Variants in CACNA1E observed in about 807,000 individuals in gnomAD.
The protein encoded by CACNA1E is voltage-dependent R-type calcium channel subunit alpha-1E.
Under a neutral mutation model 259.2 loss-of-function variants are expected in CACNA1E, and 40 were observed. The ratio of observed to expected loss-of-function variants is 0.15; its 90% CI spans 0.12 to 0.20. The LOEUF is 0.20. CACNA1E is among the 10% of genes least tolerant of loss of function. The pLI is 1.00. For synonymous variants in CACNA1E, 1,104 were observed against 1,138.5 expected (o/e 0.97, Z 0.61); for missense variants, 1,874 against 3,040.1 (o/e 0.62, Z 9.02).
chr1:181,648,695 T>A (rs547971654), intron 6 of CACNA1E, among the ~76,000 whole-genome samples: 1 of 152,366 alleles, frequency 6.6e-6, no homozygotes, highest in East Asian at 1.9e-4. Flanking sequence ...CATTACAGCA[T>A]CCCTGGCAAG....
At chr1:181,744,819 C>A (rs1258316622) in intron 25 of CACNA1E, among the ~76,000 whole-genome samples, 4 of 152,214 alleles carry the variant, frequency 2.6e-5, no homozygotes, top group South Asian at 2.1e-4. Context: ...CATCCAGTGC[C>A]CCTGTTCTGT....
At chr1:181,323,221 A>T (rs1186667774) in intron 1 of CACNA1E, among the ~76,000 whole-genome samples, 1 of 152,206 alleles carries the variant, frequency 6.6e-6, no homozygotes. Context: ...AGAAGGAATG[A>T]GAAAATAAAG....
chr1:181,323,391 AACCT>A (rs1482378066), intron 1 of CACNA1E, among the ~76,000 whole-genome samples: 1 of 152,208 alleles, frequency 6.6e-6, no homozygotes, highest in African/African-American at 2.4e-5. Context: ...AAAGCACTTA[AACCT>A]GCTGGGTCTC....
In CACNA1E at chr1:181,803,183, C is replaced by G. The variant is rs900439489; in HGVS notation, c.*4349C>G. 1 of 152,192 alleles carries G rather than the reference C, an allele frequency of 6.6e-6. No individual in the cohort carries two copies. Among genetic ancestry groups the G allele is most frequent in the African/African-American group, 2.4e-5 (1 of 41,426 alleles). 9.4% of individuals were successfully genotyped at this position (152,192 alleles called of 1,614,324 possible). A position where few individuals can be genotyped will look rare whatever the true frequency, so the allele number is the denominator to read the frequency against. The stretch of plus-strand genomic sequence containing the variant: ...TCTCACCCAGCCTACAAGTCCTTCT[C>G]TCATAGATCCCAGAGCAATGGGCAC... On this transcript the variant is annotated 3_prime_UTR_variant, in exon 48 of 48. Coordinates refer to ENST00000367573, the MANE Select transcript of CACNA1E (RefSeq NM_001205293.3).
At chr1:181,347,073 T>C (rs1652649502) in intron 1 of CACNA1E, among the ~76,000 whole-genome samples, 1 of 152,124 alleles carries the variant, frequency 6.6e-6, no homozygotes. Flanking sequence ...AGCACTGCCT[T>C]CCTGTTAGCA....
chr1:181,715,251 G>T, intron 8 of CACNA1E, 87 bp from the exon 9 acceptor site: 1 of 788,804 alleles, frequency 1.3e-6, no homozygotes. Context: ...CTGTTGCCCT[G>T]AGCTGAAGTT....
rs748894211 is a variant in CACNA1E, at chr1:181,796,729, G to A, written c.6270G>A (p.Lys2090=). Residue 2090 remains lysine (K), a synonymous_variant, in exon 47 of 48, where the codon AAG becomes AAA. Coordinates refer to ENST00000367573, the MANE Select transcript of CACNA1E (RefSeq NM_001205293.3). ...AGCGGGGACGATCAAAAGAGCGAAA[G>A]CATCTTCTCTCTCCTGATGTCTCCC... ...GRERGRSKER[K]HLLSPDVSRC... 5.0e-6 allele frequency: 8 copies of A among 1,613,172 alleles called. No homozygotes were observed. The highest frequency in any genetic ancestry group is 2.2e-5 in the East Asian group (1 of 44,866).
At chr1:181,380,401 A>G (rs1233799524) in intron 1 of CACNA1E, among the ~76,000 whole-genome samples, 1 of 152,166 alleles carries the variant, frequency 6.6e-6, no homozygotes, top group Non-Finnish European at 1.5e-5. Context: ...AGTTCAAGAA[A>G]ATAATAAAGA....
At chr1:181,679,323 A>G (rs1343949709) in intron 7 of CACNA1E, among the ~76,000 whole-genome samples, 1 of 152,170 alleles carries the variant, frequency 6.6e-6, no homozygotes, top group Non-Finnish European at 1.5e-5. Flanking sequence ...ATACTTCCCC[A>G]AGGATCCCCA....
At position 181,318,666 on chromosome 1, in the gene CACNA1E, G is replaced by A. The variant is rs796560799; in HGVS notation, c.-15+543G>A. 1.1e-4 allele frequency among the ~76,000 whole-genome samples: 16 copies of A among 152,332 alleles called. 1 individual carries two copies. Among genetic ancestry groups the A allele is most frequent in the African/African-American group, 3.6e-4 (15 of 41,582 alleles). On this transcript the variant is annotated intron_variant, in intron 1 of 11. Coordinates refer to the CACNA1E transcript ENST00000524607. ...TGCGCGGATCGCTGGTGGGGAGGGCGCGCGGGCCAGTGGCTGAGCTTGCAG... is the reference window on the plus strand; with the variant it reads ...TGCGCGGATCGCTGGTGGGGAGGGCACGCGGGCCAGTGGCTGAGCTTGCAG...
chr1:181,783,653 C>G, intron 39 of CACNA1E, 26 bp from the exon 40 acceptor site: 37 of 1,150,010 alleles, frequency 3.2e-5, no homozygotes, highest in Non-Finnish European at 4.0e-5. Context: ...TTTTTGCCTG[C>G]TGTTTCTTTT....
intron 26 of CACNA1E, 70 bp downstream of exon 26, chr1:181,750,557 T>C (rs1657504883): frequency 6.9e-7 from 1 of 1,455,846 alleles, no homozygotes; most frequent in Non-Finnish European, 9.6e-7. Context: ...AAAGTATGGT[T>C]GGGAGGGGAG....
chr1:181,637,437 TC>T, intron 6 of CACNA1E, among the ~76,000 whole-genome samples: 2 of 5,982 alleles, frequency 3.3e-4, no homozygotes, highest in African/African-American at 1.1e-3. Context: ...CCTCCTTCCC[TC>T]CCTCCCTCCC....
At chr1:181,587,994 G>A (rs1652257811) in intron 6 of CACNA1E, among the ~76,000 whole-genome samples, 1 of 152,254 alleles carries the variant, frequency 6.6e-6, no homozygotes, top group Non-Finnish European at 1.5e-5. Context: ...TAGGGAGTGG[G>A]TTTTGAAACC....
At position 181,733,702 on chromosome 1, in the gene CACNA1E, G is replaced by T. The variant is rs553844010; in HGVS notation, c.3214G>T (p.Val1072Phe). The T allele has an allele frequency of 1.3e-6, 2 of 1,593,902 alleles. No individual in the cohort carries two copies. Among genetic ancestry groups the T allele is most frequent in the Non-Finnish European group, 1.7e-6 (2 of 1,169,974 alleles). ...KATTESTSVTVAIPDVDPLVD... is the reference protein window; with the variant it reads ...KATTESTSVTFAIPDVDPLVD... ...CACCACCGAGAGCACCAGCGTCACCGTCGCCATCCCCGACGTGGACCCCTT... is the reference window on the plus strand; with the variant it reads ...CACCACCGAGAGCACCAGCGTCACCTTCGCCATCCCCGACGTGGACCCCTT... Residue 1072 changes from valine to phenylalanine, a missense_variant, in exon 21 of 48, where the codon GTC (valine) becomes TTC (phenylalanine). Val to Phe is a conservative substitution (Grantham distance 50). Coordinates refer to ENST00000367573, the MANE Select transcript of CACNA1E (RefSeq NM_001205293.3).
chr1:181,483,056 C>T (rs1055854570), upstream of CACNA1E, among the ~76,000 whole-genome samples: 1 of 152,230 alleles, frequency 6.6e-6, no homozygotes, highest in African/African-American at 2.4e-5. Context: ...ACGCAGGAAC[C>T]TCAATATCGC....
At chr1:181,341,221 G>A (rs946153121) in intron 1 of CACNA1E, among the ~76,000 whole-genome samples, 1 of 152,056 alleles carries the variant, frequency 6.6e-6, no homozygotes, top group Non-Finnish European at 1.5e-5. Context: ...GCTGCTCTGG[G>A]TCTGTGCAGG....
chr1:181,529,347 G>A (rs1169219729), intron 3 of CACNA1E, among the ~76,000 whole-genome samples: 1 of 152,272 alleles, frequency 6.6e-6, no homozygotes, highest in African/African-American at 2.4e-5. Context: ...GTTTGCTGCA[G>A]GGGCAGGGCC....
chr1:181,439,486 C>A (rs936110538), intron 2 of CACNA1E, among the ~76,000 whole-genome samples: 1 of 152,120 alleles, frequency 6.6e-6, no homozygotes, highest in African/African-American at 2.4e-5. Flanking sequence ...CCGGTATACA[C>A]AATCAGTTGC....
Sources: allele counts gnomAD v4.1 joint callset (sites outside exome capture counted in the v4.1 genomes callset), GRCh38; gene constraint gnomAD v4.1.1; transcripts MANE v1.5; gene names NCBI Gene and HGNC (gene_info 2026-07-23, HGNC 2026-07-21).